SOAT1: variants seen among roughly 807,000 people sequenced by gnomAD.
SOAT1 encodes the protein acyl-coenzyme A:cholesterol acyltransferase 1.
Under a neutral mutation model 69.5 loss-of-function variants are expected in SOAT1, and 55 were observed. The observed-to-expected ratio is 0.79, with a 90% CI of 0.64 to 0.99. SOAT1 has a LOEUF of 0.99. Among genes scored for constraint, SOAT1 ranks in the 50% least tolerant of loss-of-function variants. The pLI, the probability that SOAT1 is intolerant of heterozygous loss-of-function variation, is 0.00. For synonymous variants in SOAT1, 231 were observed against 224.7 expected (o/e 1.03, Z -0.25); for missense variants, 580 against 669.3 (o/e 0.87, Z 1.47).
At chr1:179,315,268 G>A (rs1455982790) in intron 2 of SOAT1, among the ~76,000 whole-genome samples, 2 of 152,084 alleles carry the variant, frequency 1.3e-5, no homozygotes, top group Non-Finnish European at 2.9e-5. Context: ...AACATAGCGA[G>A]GCTCTGCCTT....
At chr1:179,304,077 A>G (rs12047131) in intron 2 of SOAT1, among the ~76,000 whole-genome samples, 75,184 of 152,088 alleles carry the variant, frequency 0.49, 19,588 homozygotes, top group East Asian at 0.84. Flanking sequence ...CAGGTGTTAA[A>G]AATTGAATTG....
At chr1:179,316,442 G>A (rs1665397643) in intron 2 of SOAT1, among the ~76,000 whole-genome samples, 1 of 152,050 alleles carries the variant, frequency 6.6e-6, no homozygotes, top group African/African-American at 2.4e-5. Flanking sequence ...TGTTGCCCAG[G>A]CTGGAGTGCA....
At chr1:179,317,458 A>G (rs1158007189) in intron 2 of SOAT1, among the ~76,000 whole-genome samples, 4 of 150,594 alleles carry the variant, frequency 2.7e-5, no homozygotes, top group Admixed American at 6.7e-5. Flanking sequence ...GTGTGAACCC[A>G]GGAGGCGGAG....
At chr1:179,349,959 A>G (rs1232766094) in intron 13 of SOAT1, among the ~76,000 whole-genome samples, 2 of 152,190 alleles carry the variant, frequency 1.3e-5, no homozygotes, top group Non-Finnish European at 2.9e-5. Context: ...AATGGAGAGG[A>G]CAGTTGCCCC....
chr1:179,342,719 T>C, intron 8 of SOAT1, 143 bp from the exon 9 acceptor site: 1 of 601,006 alleles, frequency 1.7e-6, no homozygotes. Flanking sequence ...GAATAAGAAG[T>C]CATTCCGGAG....
At chr1:179,347,133 C>A (rs1395293189) in intron 11 of SOAT1, among the ~76,000 whole-genome samples, 2 of 151,902 alleles carry the variant, frequency 1.3e-5, no homozygotes, top group Non-Finnish European at 2.9e-5. Flanking sequence ...CTGAGGTGGG[C>A]AGATCACAAG....
In SOAT1 at chr1:179,355,846, A is replaced by G. The variant is rs781555540; in HGVS notation, c.*2205A>G. 2 of 152,152 alleles carry G rather than the reference A, an allele frequency of 1.3e-5. No individual in the cohort carries two copies. Among genetic ancestry groups the G allele is most frequent in the Non-Finnish European group, 2.9e-5 (2 of 68,048 alleles). 9.4% of individuals were successfully genotyped at this position (152,152 alleles called of 1,614,324 possible). On this transcript the variant is annotated 3_prime_UTR_variant, in exon 16 of 16. Coordinates refer to ENST00000367619, the MANE Select transcript of SOAT1 (RefSeq NM_003101.6). ...CCGTGCCCGGCCTCTGTTTCCTGTT[A>G]TTAGTGATTTTCCTGCCCAAGATTG...
At chr1:179,294,333 A>G (rs1664555491) in intron 1 of SOAT1, 2 of 152,238 alleles carry the variant, frequency 1.3e-5, no homozygotes, top group African/African-American at 2.4e-5. Flanking sequence ...TTAGCAAGAC[A>G]TGAAAATCTG....
At chr1:179,315,375 G>C (rs979785769) in intron 2 of SOAT1, among the ~76,000 whole-genome samples, 10 of 151,748 alleles carry the variant, frequency 6.6e-5, no homozygotes, top group Admixed American at 5.3e-4. Context: ...GAGGCGGGAG[G>C]ATCCCTTGAG....
intron 3 of SOAT1, among the ~76,000 whole-genome samples, chr1:179,324,056 T>C (rs2124966663): frequency 6.6e-6 from 1 of 152,332 alleles, no homozygotes; most frequent in Non-Finnish European, 1.5e-5. Context: ...AGCAAACTCC[T>C]GTTTTCCCAA....
At chr1:179,341,003 C>A (rs575211670) in intron 6 of SOAT1, 25 bp from the exon 7 acceptor site, 135 of 1,606,068 alleles carry the variant, frequency 8.4e-5, no homozygotes, top group Non-Finnish European at 1.1e-4. Context: ...CCTCTATGTT[C>A]TTTTTCTGTA....
At chr1:179,325,881 A>C (rs989138861) in intron 3 of SOAT1, among the ~76,000 whole-genome samples, 2 of 152,208 alleles carry the variant, frequency 1.3e-5, no homozygotes, top group Admixed American at 1.3e-4. Flanking sequence ...TAAAATTATG[A>C]AATCTTTTAG....
intron 2 of SOAT1, among the ~76,000 whole-genome samples, chr1:179,303,659 G>A (rs1664910521): frequency 2.0e-5 from 3 of 152,160 alleles, no homozygotes. Context: ...AAACATTGCT[G>A]CTTGAGTTGG....
chr1:179,350,471 T>TA, intron 14 of SOAT1, 40 bp downstream of exon 14: 2 of 1,570,796 alleles, frequency 1.3e-6, no homozygotes, highest in Non-Finnish European at 8.6e-7. Flanking sequence ...GGTACTATGC[T>TA]AAAAAAGAAA....
Position 179,345,085 on chromosome 1 carries a change from G to C in SOAT1, c.1117+9G>C. ...TAACTCCATCTTGCCAGGTAACATG[G>C]GTACTTGTTAATTTGGTCATGCATA... On this transcript the variant is annotated intron_variant, in intron 11 of 15. Transcript: ENST00000367619. 1 of 1,612,586 alleles carries C rather than the reference G, an allele frequency of 6.2e-7. No individual in the cohort carries two copies. The highest frequency in any genetic ancestry group is 8.5e-7 in the Non-Finnish European group (1 of 1,179,032).
At chr1:179,344,880 G>A in intron 10 of SOAT1, 67 bp from the exon 11 acceptor site, 2 of 1,511,110 alleles carry the variant, frequency 1.3e-6, no homozygotes, top group Non-Finnish European at 1.8e-6. Flanking sequence ...TTCTTTTGGA[G>A]AGAAAAAAAT....
chr1:179,318,766 T>G (rs566496871), intron 2 of SOAT1, among the ~76,000 whole-genome samples: 1 of 152,364 alleles, frequency 6.6e-6, no homozygotes, highest in South Asian at 2.1e-4. Flanking sequence ...TGTTTACGTT[T>G]CACCCATATT....
intron 3 of SOAT1, among the ~76,000 whole-genome samples, chr1:179,334,433 A>AGTGT (rs995458293): frequency 1.9e-4 from 29 of 151,910 alleles, no homozygotes; most frequent in Admixed American, 6.6e-4. Flanking sequence ...ATGTGGGGGG[A>AGTGT]GTGTGTGTTT....
At chr1:179,340,943 G>T in intron 6 of SOAT1, 85 bp from the exon 7 acceptor site, 1 of 1,228,890 alleles carries the variant, frequency 8.1e-7, no homozygotes, top group East Asian at 2.4e-5. Flanking sequence ...TTGAAAGTTT[G>T]GTGTTTGAAA....
Sources: gnomAD v4.1 joint callset for allele counts (sites outside exome capture counted in the v4.1 genomes callset) on GRCh38, gnomAD v4.1.1 for gene constraint, MANE v1.5 for transcripts, NCBI Gene and HGNC (gene_info 2026-07-23, HGNC 2026-07-21) for gene names.